TOR1AIP2: variants seen among roughly 807,000 people sequenced by gnomAD.
TOR1AIP2 encodes torsin-1A-interacting protein 2.
Under a neutral mutation model 32.6 loss-of-function variants are expected in TOR1AIP2, and 20 were observed. The observed-to-expected ratio is 0.61, with a 90% CI of 0.43 to 0.89. TOR1AIP2 has a LOEUF of 0.89. TOR1AIP2 is among the 40% of genes least tolerant of loss of function. The pLI, the probability that TOR1AIP2 is intolerant of heterozygous loss-of-function variation, is 0.00. For synonymous variants in TOR1AIP2, 214 were observed against 210.8 expected (o/e 1.02, Z -0.13); for missense variants, 456 against 553.8 (o/e 0.82, Z 1.77).
intron 2 of TOR1AIP2, among the ~76,000 whole-genome samples, chr1:179,876,434 C>A (rs1647309778): frequency 6.6e-6 from 1 of 152,108 alleles, no homozygotes; most frequent in African/African-American, 2.4e-5. Flanking sequence ...AACAAACCAG[C>A]AGAAAAACAG....
intron 2 of TOR1AIP2, among the ~76,000 whole-genome samples, chr1:179,870,986 A>G (rs994788248): frequency 1.5e-4 from 23 of 152,368 alleles, no homozygotes; most frequent in Admixed American, 1.3e-3. Flanking sequence ...ATGGATACAG[A>G]AAGAAAATCA....
intron 6 of TOR1AIP2, 56 bp from the exon 7 acceptor site, chr1:179,846,884 A>C: frequency 6.6e-7 from 1 of 1,506,304 alleles, no homozygotes. Flanking sequence ...GCCAGAAACA[A>C]AGCCTGTGGT....
chr1:179,865,331 C>T (rs1362348712), intron 3 of TOR1AIP2, 105 bp downstream of exon 3: 3 of 930,428 alleles, frequency 3.2e-6, no homozygotes, highest in Non-Finnish European at 4.8e-6. Flanking sequence ...TTGGCTTGCA[C>T]CTCCGTGCAA....
chr1:179,859,764 A>T, intron 3 of TOR1AIP2: 1 of 985,472 alleles, frequency 1.0e-6, no homozygotes, highest in Non-Finnish European at 1.2e-6. Flanking sequence ...CATCTGACTT[A>T]TACTACAGGC....
intron 3 of TOR1AIP2, chr1:179,862,553 C>G: frequency 2.0e-6 from 2 of 985,454 alleles, no homozygotes; most frequent in Non-Finnish European, 2.4e-6. Context: ...TACAGACTAA[C>G]AAATAACTTC....
intron 2 of TOR1AIP2, chr1:179,868,746 G>A (rs1360911897): frequency 2.0e-5 from 3 of 151,952 alleles, no homozygotes; most frequent in Admixed American, 1.3e-4. Context: ...AAAAAAAAAT[G>A]CAAGTAGCAC....
Position 179,846,173 on chromosome 1 carries a change from G to A in TOR1AIP2, c.1311C>T (p.His437=). 6.2e-7 allele frequency: 1 copy of A among 1,614,208 alleles called. No individual in the cohort carries two copies. The highest frequency in any genetic ancestry group is 1.1e-5 in the South Asian group (1 of 91,086). Residue 437 remains histidine (H), a synonymous_variant, in exon 7 of 7, where the codon CAC becomes CAT. Transcript: ENST00000609928. ...TNSDTPTSFN[H]MDSDKLSGLW... is the part of the protein sequence containing the mutation. ...GCCCACTCAATTTGTCTGAGTCCAT[G>A]TGGTTGAAGGAGGTGGGAGTGTCAG...
In TOR1AIP2 at chr1:179,851,625, C is replaced by T. The variant is rs1571662821; in HGVS notation, c.35-262G>A. The stretch of plus-strand genomic sequence containing the variant: ...AACTTTTGGCTATATTAAATATATC[C>T]TCTTCCCTAATGAAAGGCAATGCTC... On this transcript the variant is annotated intron_variant, in intron 4 of 6. Coordinates refer to ENST00000609928, the MANE Select transcript of TOR1AIP2 (RefSeq NM_001199260.2). 4.6e-5 allele frequency among the ~76,000 whole-genome samples: 7 copies of T among 152,128 alleles called. No individual in the cohort carries two copies. The Middle Eastern group carries it at 0.017, about 370-fold the overall frequency.
At chr1:179,873,358 T>A (rs1048581775) in intron 2 of TOR1AIP2, among the ~76,000 whole-genome samples, 7 of 152,216 alleles carry the variant, frequency 4.6e-5, no homozygotes, top group African/African-American at 1.7e-4. Flanking sequence ...GTTCCTCAGT[T>A]TAGAGTTTTA....
chr1:179,863,888 GAA>G (rs1231543488), intron 3 of TOR1AIP2: 1 of 985,268 alleles, frequency 1.0e-6, no homozygotes, highest in Non-Finnish European at 1.2e-6. Flanking sequence ...TGATTTTCAT[GAA>G]AGTCCAGAAT....
intron 2 of TOR1AIP2, among the ~76,000 whole-genome samples, chr1:179,873,533 C>T (rs778236120): frequency 2.6e-5 from 4 of 152,170 alleles, no homozygotes; most frequent in Non-Finnish European, 5.9e-5. Flanking sequence ...TAACATAGTA[C>T]CTCCACTGTC....
intron 3 of TOR1AIP2, chr1:179,861,351 G>A: frequency 1.0e-6 from 1 of 985,400 alleles, no homozygotes; most frequent in Non-Finnish European, 1.2e-6. Context: ...AGACATACTA[G>A]AAAGACCTAA....
Position 179,852,695 on chromosome 1 carries a change from G to A in TOR1AIP2, c.-30C>T. The A allele has an allele frequency of 6.2e-7, 1 of 1,613,772 alleles. No individual in the cohort carries two copies. Among genetic ancestry groups the A allele is most frequent in the Non-Finnish European group, 8.5e-7 (1 of 1,179,830 alleles). ...GTGTTCTATCTCTTCAGAGTTGGGA[G>A]GATACTTTTTTTAGTACTTGGTTTT... On this transcript the variant is annotated 5_prime_UTR_variant, in exon 4 of 7. Transcript: ENST00000609928.
Position 179,861,689 on chromosome 1 carries a change from A to G in TOR1AIP2, c.-147+3747T>C, listed in dbSNP as rs1035546063. ...AGTCTGACATGAAATCTCTTTTTAC[A>G]TAGCCAGTATTACCAAATAAATGGT... On this transcript the variant is annotated intron_variant, in intron 3 of 6. Transcript: ENST00000609928. 6 of 985,318 alleles carry G rather than the reference A, an allele frequency of 6.1e-6. No homozygotes were observed. The African/African-American group carries it at 1.0e-4, about 17-fold the overall frequency. 61.0% of individuals were successfully genotyped at this position (985,318 alleles called of 1,614,324 possible). A position where few individuals can be genotyped will look rare whatever the true frequency, so the allele number is the denominator to read the frequency against.
In TOR1AIP2 at chr1:179,845,887, G is replaced by T; in HGVS notation, c.*184C>A. 1 of 603,960 alleles carries T rather than the reference G, an allele frequency of 1.7e-6. No individual in the cohort carries two copies. 37.4% of individuals were successfully genotyped at this position (603,960 alleles called of 1,614,324 possible). A position where few individuals can be genotyped will look rare whatever the true frequency, so the allele number is the denominator to read the frequency against. On this transcript the variant is annotated 3_prime_UTR_variant, in exon 7 of 7. Transcript: ENST00000609928. ...TCAGGTTAATTTTTAGCTTTGTCAA[G>T]GCTTAGATTAGAAAGATTTTACAAG...
intron 3 of TOR1AIP2, chr1:179,861,188 T>C: frequency 3.0e-6 from 3 of 985,468 alleles, no homozygotes; most frequent in Non-Finnish European, 2.4e-6. Flanking sequence ...GAGACGAGTG[T>C]AGCTCACACT....
chr1:179,861,038 G>A (rs1473581718), intron 3 of TOR1AIP2: 11 of 985,196 alleles, frequency 1.1e-5, no homozygotes, highest in South Asian at 4.7e-5. Context: ...TTTTCTTTCC[G>A]GTCTGCCCTT....
rs1696089807 is a variant in TOR1AIP2, at chr1:179,850,884, C to T, written c.514G>A (p.Glu172Lys). The change falls in exon 5 of 7, where the codon GAG becomes AAG. Residue 172 changes from glutamate (E) to lysine (K), a missense_variant. Coordinates refer to ENST00000609928, the MANE Select transcript of TOR1AIP2 (RefSeq NM_001199260.2). ...QSPGHSSAGQ[E>K]GEDTLRRRLL... The stretch of plus-strand genomic sequence containing the variant: ...CGCCTCCTCAGTGTATCCTCACCCT[C>T]TTGCCCTGCACTGGAATGACCAGGA... The T allele has an allele frequency of 1.2e-6, 2 of 1,614,092 alleles. No individual in the cohort carries two copies. Among genetic ancestry groups the T allele is most frequent in the Non-Finnish European group, 1.7e-6 (2 of 1,179,940 alleles).
At chr1:179,868,130 T>C (rs1439760901) in intron 2 of TOR1AIP2, 1 of 152,212 alleles carries the variant, frequency 6.6e-6, no homozygotes, top group Non-Finnish European at 1.5e-5. Flanking sequence ...ACCAATCTCA[T>C]ACCTATATCT....
Sources: allele counts gnomAD v4.1 joint callset (sites outside exome capture counted in the v4.1 genomes callset), GRCh38; gene constraint gnomAD v4.1.1; transcripts MANE v1.5; gene names NCBI Gene and HGNC (gene_info 2026-07-23, HGNC 2026-07-21).